Variants in COL7A1 observed in about 807,000 individuals in gnomAD.
COL7A1 encodes collagen type VII alpha 1 chain, also known as collagen alpha-1(VII) chain.
Under a neutral mutation model 456.2 loss-of-function variants are expected in COL7A1, and 296 were observed. The ratio of observed to expected loss-of-function variants is 0.65; its 90% CI spans 0.59 to 0.71. The LOEUF is 0.71. COL7A1 is among the 30% of genes least tolerant of loss of function. The probability of loss-of-function intolerance (pLI) is 0.00; values close to 1 mark genes in which losing one functional copy is unlikely to be tolerated. For missense variants in COL7A1, 3,441 were observed against 4,017.2 expected (o/e 0.86, Z 3.88); for synonymous variants, 1,464 against 1,525.9 (o/e 0.96, Z 0.95).
rs2107757253 is a variant in COL7A1 at position 48,587,469 on chromosome 3, C to T, written c.2943G>A (p.Arg981=). ...SVTLAWTPVS[R]ASSYILSWRP... is the part of the protein sequence containing the mutation. ...GCCAGGATAGGATGTAGCTGGATGC[C>T]CTGGACACTGGAGTCCAGGCCAAAG... The change falls in exon 23 of 119, where the codon AGG becomes AGA. Residue 981 remains arginine (R), a synonymous_variant. Transcript: ENST00000681320. This position sits in a 1 kb window ranked among gnomAD's most constrained non-coding sequence, Gnocchi z 6.1. 1.9e-6 allele frequency: 3 copies of T among 1,613,292 alleles called. No individual in the cohort carries two copies. Among genetic ancestry groups the T allele is most frequent in the Non-Finnish European group, 2.5e-6 (3 of 1,180,038 alleles).
rs2107632881 is a variant in COL7A1 at position 48,567,033 on chromosome 3, T to C, written c.8110-10A>G. The C allele has an allele frequency of 2.5e-6, 4 of 1,613,478 alleles. No homozygotes were observed. Among genetic ancestry groups the C allele is most frequent in the Non-Finnish European group, 3.4e-6 (4 of 1,179,680 alleles). On this transcript the variant is annotated splice_polypyrimidine_tract_variant and intron_variant, in intron 110 of 118. Transcript: ENST00000681320. The surrounding 1 kb of genome is among the most constrained non-coding windows in gnomAD (Gnocchi z 4.3). ...CAATTCCTGGGGTTCCCTGGGGAGA[T>C]ATAGGACAGAGTCAGTAATCAGAGG... is the stretch of plus-strand genomic sequence containing the variant.
Position 48,567,908 on chromosome 3 carries a change from G to A in COL7A1, c.7876-17C>T. On this transcript the variant is annotated splice_polypyrimidine_tract_variant and intron_variant, in intron 106 of 118. Coordinates refer to ENST00000681320, the MANE Select transcript of COL7A1 (RefSeq NM_000094.4). This position sits in a 1 kb window ranked among gnomAD's most constrained non-coding sequence, Gnocchi z 4.3. ...CCGTTCACCCTGAGGGAGAAAAGCA[G>A]ATGAAGAAGTGATTCCCAGACACCT... is the stretch of plus-strand genomic sequence containing the variant. 6.2e-7 allele frequency: 1 copy of A among 1,614,016 alleles called. No homozygotes were observed.
In COL7A1 at chr3:48,567,433, A is replaced by C; in HGVS notation, c.8046+141T>G. On this transcript the variant is annotated intron_variant, in intron 109 of 118. Transcript: ENST00000681320. The surrounding 1 kb of genome is among the most constrained non-coding windows in gnomAD (Gnocchi z 4.3). ...CACTGTGACCCCAACCCACCTTGAC[A>C]CCTCGAGACCAGCCCCACTTCAGCC... The C allele has an allele frequency of 4.1e-6, 5 of 1,229,670 alleles. No homozygotes were observed. Among genetic ancestry groups the C allele is most frequent in the Non-Finnish European group, 5.9e-6 (5 of 849,584 alleles). The allele number at this position is 1,229,670 out of a possible 1,614,324, so 76.2% of individuals were successfully genotyped here.
chr3:48,587,146 C>G lies in COL7A1; in HGVS notation c.3140-38G>C. 2 of 1,613,584 alleles carry G rather than the reference C, an allele frequency of 1.2e-6. No homozygotes were observed. The highest frequency in any genetic ancestry group is 1.7e-6 in the Non-Finnish European group (2 of 1,179,912). On this transcript the variant is annotated intron_variant, in intron 24 of 118. Coordinates refer to ENST00000681320, the MANE Select transcript of COL7A1 (RefSeq NM_000094.4). This position sits in a 1 kb window ranked among gnomAD's most constrained non-coding sequence, Gnocchi z 6.1. Reference sequence around the variant, plus strand: ...GAACAAGTTACTGAAGCGGGCAGCCCACCCAGACACACCTTTCTGCCCTTC... The same window carrying G: ...GAACAAGTTACTGAAGCGGGCAGCCGACCCAGACACACCTTTCTGCCCTTC...
intron 65 of COL7A1, among the ~76,000 whole-genome samples, chr3:48,577,252 TTGACTC>T (rs1350182162): frequency 6.6e-6 from 1 of 152,270 alleles, no homozygotes; most frequent in Non-Finnish European, 1.5e-5. Flanking sequence ...CACATGTCCT[TTGACTC>T]TGGCTCTCTA....
At position 48,587,990 on chromosome 3, in the gene COL7A1, TG is replaced by T; in HGVS notation, c.2711-52del. The T allele has an allele frequency of 6.5e-7, 1 of 1,543,056 alleles. No individual in the cohort carries two copies. ...CAAGAGCATGTGGGATAGTGACACC[TG>T]GGGGCATTAAAGGGCCTGCCCACTT... On this transcript the variant is annotated intron_variant, in intron 21 of 118. Transcript: ENST00000681320. The surrounding 1 kb of genome is among the most constrained non-coding windows in gnomAD (Gnocchi z 6.1).
intron 16 of COL7A1, 113 bp from the exon 17 acceptor site, chr3:48,589,831 T>C: frequency 6.8e-7 from 1 of 1,472,494 alleles, no homozygotes; most frequent in African/African-American, 1.4e-5. Flanking sequence ...ATAGAGGAGA[T>C]GGTGAATAGG....
Position 48,583,492 on chromosome 3 carries a change from G to A in COL7A1, c.4401+64C>T. 1 of 1,613,702 alleles carries A rather than the reference G, an allele frequency of 6.2e-7. No individual in the cohort carries two copies. Among genetic ancestry groups the A allele is most frequent in the South Asian group, 1.1e-5 (1 of 91,080 alleles). On this transcript the variant is annotated intron_variant, in intron 41 of 118. Transcript: ENST00000681320. This position sits in a 1 kb window ranked among gnomAD's most constrained non-coding sequence, Gnocchi z 5.1. ...TGGGCATGAGGATGGAGCAGTGGTT[G>A]ATGATTGAGGTAGGGGCTGGAGCTG...
chr3:48,580,152 G>A lies in COL7A1; in HGVS notation c.5098-95C>T, dbSNP rs1177012105. 10 of 1,561,248 alleles carry A rather than the reference G, an allele frequency of 6.4e-6. No homozygotes were observed. Among genetic ancestry groups the A allele is most frequent in the Middle Eastern group, 1.8e-4 (1 of 5,682 alleles). On this transcript the variant is annotated intron_variant, in intron 56 of 118. Coordinates refer to ENST00000681320, the MANE Select transcript of COL7A1 (RefSeq NM_000094.4). The surrounding 1 kb of genome is among the most constrained non-coding windows in gnomAD (Gnocchi z 4.5). ...GCTCAACTCTGCCCCCAAGTTCCCC[G>A]AAGCACCCCAATGCCAGCCCCCAGC...
chr3:48,564,489 C>T lies in COL7A1; in HGVS notation c.8819-67G>A. On this transcript the variant is annotated intron_variant, in intron 118 of 118. Coordinates refer to ENST00000681320, the MANE Select transcript of COL7A1 (RefSeq NM_000094.4). The surrounding 1 kb of genome is among the most constrained non-coding windows in gnomAD (Gnocchi z 6.0). ...TTCCCCGGAGACGCTCAGGCAGAGG[C>T]ACCGCCAAGGGGAGGGAGCGGAGGC... 1 of 1,592,240 alleles carries T rather than the reference C, an allele frequency of 6.3e-7. No individual in the cohort carries two copies. Among genetic ancestry groups the T allele is most frequent in the South Asian group, 1.1e-5 (1 of 89,792 alleles).
At position 48,569,720 on chromosome 3, in the gene COL7A1, C is replaced by G; in HGVS notation, c.7557+5G>C. On this transcript the variant is annotated splice_donor_5th_base_variant and intron_variant, in intron 101 of 118. Coordinates refer to ENST00000681320, the MANE Select transcript of COL7A1 (RefSeq NM_000094.4). The surrounding 1 kb of genome is among the most constrained non-coding windows in gnomAD (Gnocchi z 4.9). Reference sequence around the variant, plus strand: ...CTGCCCTGCCCTCCCCATGCCCACACTCACCTTGTCACCCTTTAGTCCTGC... The same window carrying G: ...CTGCCCTGCCCTCCCCATGCCCACAGTCACCTTGTCACCCTTTAGTCCTGC... 6.2e-7 allele frequency: 1 copy of G among 1,614,164 alleles called. No individual in the cohort carries two copies. Among genetic ancestry groups the G allele is most frequent in the Non-Finnish European group, 8.5e-7 (1 of 1,180,016 alleles).
In COL7A1 at chr3:48,586,061, G is replaced by A; in HGVS notation, c.3723+13C>T. On this transcript the variant is annotated intron_variant, in intron 28 of 118. Coordinates refer to ENST00000681320, the MANE Select transcript of COL7A1 (RefSeq NM_000094.4). This position sits in a 1 kb window ranked among gnomAD's most constrained non-coding sequence, Gnocchi z 5.1. ...TATTCTACCACCCAGTCCCCCAGAG[G>A]CCTCTTCCAAACCTGAGTAGTGAAG... The A allele has an allele frequency of 6.2e-7, 1 of 1,613,488 alleles. No individual in the cohort carries two copies. Among genetic ancestry groups the A allele is most frequent in the Non-Finnish European group, 8.5e-7 (1 of 1,180,014 alleles).
At position 48,574,450 on chromosome 3, in the gene COL7A1, C is replaced by T; in HGVS notation, c.6456+38G>A. On this transcript the variant is annotated intron_variant, in intron 79 of 118. Transcript: ENST00000681320. The surrounding 1 kb of genome is among the most constrained non-coding windows in gnomAD (Gnocchi z 5.0). ...CACAGGACAATACATGTGAGAGCCA[C>T]CTTCTTGCACATGTGTGGCTGTTGG... 6.2e-7 allele frequency: 1 copy of T among 1,614,032 alleles called. No individual in the cohort carries two copies. Among genetic ancestry groups the T allele is most frequent in the Non-Finnish European group, 8.5e-7 (1 of 1,179,918 alleles).
In COL7A1 at chr3:48,566,881, C is replaced by T; in HGVS notation, c.8226+26G>A. ...GGAAGGGTAGGGAAGGTTCAGGGAT[C>T]AGGAGTCAGAGCTGGGGCCCCTTAC... is the stretch of plus-strand genomic sequence containing the variant. On this transcript the variant is annotated intron_variant, in intron 111 of 118. Coordinates refer to ENST00000681320, the MANE Select transcript of COL7A1 (RefSeq NM_000094.4). This position sits in a 1 kb window ranked among gnomAD's most constrained non-coding sequence, Gnocchi z 5.9. 2 of 1,581,190 alleles carry T rather than the reference C, an allele frequency of 1.3e-6. No homozygotes were observed. The highest frequency in any genetic ancestry group is 2.2e-5 in the South Asian group (2 of 89,024).
chr3:48,591,825 G>A lies in COL7A1; in HGVS notation c.1358-3C>T, dbSNP rs761060553. 1 of 1,614,178 alleles carries A rather than the reference G, an allele frequency of 6.2e-7. No individual in the cohort carries two copies. The highest frequency in any genetic ancestry group is 8.5e-7 in the Non-Finnish European group (1 of 1,180,018). On this transcript the variant is annotated splice_polypyrimidine_tract_variant and splice_region_variant and intron_variant, in intron 11 of 118. Transcript: ENST00000681320. This position sits in a 1 kb window ranked among gnomAD's most constrained non-coding sequence, Gnocchi z 7.0. Reference sequence around the variant, plus strand: ...CACCTTCTGCGGTGGCTCCAAGCCTGCAAGATAACAGGGTCAGACCAGCAG... The same window carrying A: ...CACCTTCTGCGGTGGCTCCAAGCCTACAAGATAACAGGGTCAGACCAGCAG...
chr3:48,581,293 G>T lies in COL7A1; in HGVS notation c.4866C>A (p.Gly1622=). The change falls in exon 52 of 119, where the codon GGC becomes GGA. Residue 1622 remains glycine (G), a synonymous_variant. Coordinates refer to ENST00000681320, the MANE Select transcript of COL7A1 (RefSeq NM_000094.4). The surrounding 1 kb of genome is among the most constrained non-coding windows in gnomAD (Gnocchi z 5.8). ...PGEKGDPGRP[G]PPGPVGPRGR... ...CTCGGGGGCCAACAGGTCCTGGGGGGCCAGGCCGCCCAGGGTCTCCCTTCT... is the reference window on the plus strand; with the variant it reads ...CTCGGGGGCCAACAGGTCCTGGGGGTCCAGGCCGCCCAGGGTCTCCCTTCT... 6.2e-7 allele frequency: 1 copy of T among 1,613,500 alleles called. No individual in the cohort carries two copies. Among genetic ancestry groups the T allele is most frequent in the Non-Finnish European group, 8.5e-7 (1 of 1,179,902 alleles).
rs1424487770 is a variant in COL7A1 at position 48,588,039 on chromosome 3, C to T, written c.2711-100G>A. ...CTTCACTGGCTCTGTTAACTGGGTT[C>T]ACCCTCCTGACTGATCTTCCTCATC... On this transcript the variant is annotated intron_variant, in intron 21 of 118. Coordinates refer to ENST00000681320, the MANE Select transcript of COL7A1 (RefSeq NM_000094.4). The surrounding 1 kb of genome is among the most constrained non-coding windows in gnomAD (Gnocchi z 4.6). The T allele has an allele frequency of 7.0e-7, 1 of 1,429,658 alleles. No homozygotes were observed. Among genetic ancestry groups the T allele is most frequent in the African/African-American group, 1.4e-5 (1 of 70,784 alleles). The allele number at this position is 1,429,658 out of a possible 1,614,324, so 88.6% of individuals were successfully genotyped here. A position where few individuals can be genotyped will look rare whatever the true frequency, so the allele number is the denominator to read the frequency against.
At position 48,592,668 on chromosome 3, in the gene COL7A1, C is replaced by T. The variant is rs747699511; in HGVS notation, c.878G>A (p.Arg293Gln). The change falls in exon 8 of 119, where the codon CGG becomes CAG. Residue 293 changes from arginine (R) to glutamine (Q), a missense_variant. This residue lies in a region of COL7A1 where 913 missense variants were observed against 1,088.2 expected (regional missense o/e 0.84). Coordinates refer to ENST00000681320, the MANE Select transcript of COL7A1 (RefSeq NM_000094.4). The surrounding 1 kb of genome is among the most constrained non-coding windows in gnomAD (Gnocchi z 7.6). ...GGTCAGTGGCCGGAGACCCCGCAGC[C>T]GCACACTGGTCTCACCAGCTGGGAC... is the stretch of plus-strand genomic sequence containing the variant. The part of the protein sequence containing the change: ...VNVPAGETSV[R>Q]LRGLRPLTEY... 21 of 1,613,850 alleles carry T rather than the reference C, an allele frequency of 1.3e-5. No homozygotes were observed. The highest frequency in any genetic ancestry group is 1.7e-5 in the Non-Finnish European group (20 of 1,180,040).
At position 48,590,319 on chromosome 3, in the gene COL7A1, A is replaced by G; in HGVS notation, c.1944T>C (p.Thr648=). Residue 648 remains threonine, a synonymous_variant, in exon 16 of 119, where the codon ACT becomes ACC. Coordinates refer to ENST00000681320, the MANE Select transcript of COL7A1 (RefSeq NM_000094.4). This position sits in a 1 kb window ranked among gnomAD's most constrained non-coding sequence, Gnocchi z 4.6. ...ESSQTLPPDS[T]ATDITGLQPG... ...GCTGCAGCCCTGTGATGTCTGTGGCAGTAGAGTCTGGGGGCAGTGTCTGGC... is the reference window on the plus strand; with the variant it reads ...GCTGCAGCCCTGTGATGTCTGTGGCGGTAGAGTCTGGGGGCAGTGTCTGGC... The G allele has an allele frequency of 6.2e-7, 1 of 1,614,084 alleles. No individual in the cohort carries two copies. The highest frequency in any genetic ancestry group is 8.5e-7 in the Non-Finnish European group (1 of 1,179,980).
Sources: allele counts gnomAD v4.1 joint callset (sites outside exome capture counted in the v4.1 genomes callset), GRCh38; gene constraint gnomAD v4.1.1; regional missense constraint gnomAD v4.1.1; non-coding constraint Gnocchi (gnomAD v3.1); transcripts MANE v1.5; gene names NCBI Gene and HGNC (gene_info 2026-07-23, HGNC 2026-07-21).